The following CMIP variants were observed in gnomAD, a reference collection of about 807,000 sequenced individuals.
The protein encoded by CMIP is C-Maf-inducing protein.
Under a neutral mutation model 97.3 loss-of-function variants are expected in CMIP, and 13 were observed. The observed-to-expected ratio is 0.13, with a 90% CI of 0.09 to 0.21. CMIP has a LOEUF of 0.21. Ranked by LOEUF, CMIP falls within the 10% of genes least tolerant of loss-of-function variation. CMIP has a pLI of 1.00. For synonymous variants in CMIP, 538 were observed against 436.3 expected (o/e 1.23, Z -2.91); for missense variants, 847 against 1,024.9 (o/e 0.83, Z 2.37).
intron 1 of CMIP, among the ~76,000 whole-genome samples, chr16:81,580,054 T>C (rs1308597610): frequency 6.6e-6 from 1 of 152,248 alleles, no homozygotes; most frequent in East Asian, 1.9e-4. Context: ...AGAACGGATA[T>C]TTCCAGTAGA....
At chr16:81,605,010 C>T (rs769002285) in intron 1 of CMIP, among the ~76,000 whole-genome samples, 2 of 152,146 alleles carry the variant, frequency 1.3e-5, no homozygotes, top group African/African-American at 2.4e-5. Flanking sequence ...AGTATATAAA[C>T]AGTAGCAGGG....
chr16:81,521,399 C>G (rs548423132), intron 1 of CMIP, among the ~76,000 whole-genome samples: 8 of 151,834 alleles, frequency 5.3e-5, no homozygotes, highest in African/African-American at 1.2e-4. Context: ...ATAGCAAACA[C>G]GAGCTGCCCC....
chr16:81,651,650 A>G (rs986084345), intron 3 of CMIP, among the ~76,000 whole-genome samples: 1 of 152,170 alleles, frequency 6.6e-6, no homozygotes, highest in African/African-American at 2.4e-5. Context: ...TTGTGGACTG[A>G]CCATTCCCAC....
intron 1 of CMIP, among the ~76,000 whole-genome samples, chr16:81,500,759 C>T (rs780512453): frequency 2.6e-5 from 4 of 151,924 alleles, no homozygotes; most frequent in African/African-American, 7.3e-5. Flanking sequence ...AAAGTGTTGG[C>T]ATTACAGGCA....
chr16:81,668,100 G>A (rs1300712168), intron 7 of CMIP, among the ~76,000 whole-genome samples: 2 of 152,080 alleles, frequency 1.3e-5, no homozygotes, highest in African/African-American at 4.8e-5. Context: ...TTAGACCTGA[G>A]GGGGGTCTCT....
chr16:81,555,325 A>C (rs2090739740), intron 1 of CMIP, among the ~76,000 whole-genome samples: 1 of 151,984 alleles, frequency 6.6e-6, no homozygotes, highest in South Asian at 2.1e-4. Context: ...GAAATCAAGA[A>C]CCCCCCCTAG....
At chr16:81,704,235 C>A in intron 18 of CMIP, 150 bp downstream of exon 18, 1 of 534,702 alleles carries the variant, frequency 1.9e-6, no homozygotes, top group Non-Finnish European at 3.3e-6. Context: ...CCTCCCTGCC[C>A]CCCTTACTCT....
intron 1 of CMIP, among the ~76,000 whole-genome samples, chr16:81,539,112 T>C (rs985670136): frequency 1.3e-5 from 2 of 152,178 alleles, no homozygotes; most frequent in Non-Finnish European, 2.9e-5. Flanking sequence ...CGCTTGAATG[T>C]CATATTAGCT....
chr16:81,701,866 C>A, intron 16 of CMIP, 66 bp downstream of exon 16: 1 of 1,591,174 alleles, frequency 6.3e-7, no homozygotes, highest in Non-Finnish European at 8.6e-7. Context: ...GGGCGGGATG[C>A]GGGGCAGCTA....
At chr16:81,477,035 G>T (rs1428947615) in intron 1 of CMIP, among the ~76,000 whole-genome samples, 1 of 152,048 alleles carries the variant, frequency 6.6e-6, no homozygotes, top group Non-Finnish European at 1.5e-5. Context: ...TTTATCTCGT[G>T]GGGCTAATTC....
intron 6 of CMIP, among the ~76,000 whole-genome samples, chr16:81,663,923 C>A (rs1443393546): frequency 6.6e-6 from 1 of 152,136 alleles, no homozygotes; most frequent in Non-Finnish European, 1.5e-5. Context: ...TTTTCCAGTG[C>A]CCCACATGCC....
chr16:81,580,224 G>T (rs934124694), intron 1 of CMIP, among the ~76,000 whole-genome samples: 1 of 152,176 alleles, frequency 6.6e-6, no homozygotes, highest in Non-Finnish European at 1.5e-5. Context: ...GGGCAGGGCC[G>T]TGATCAGACC....
At chr16:81,522,493 A>AC (rs1309057329) in intron 1 of CMIP, among the ~76,000 whole-genome samples, 1 of 152,260 alleles carries the variant, frequency 6.6e-6, no homozygotes, top group African/African-American at 2.4e-5. Context: ...TTTAGTGAGC[A>AC]CTGCATACTG....
intron 1 of CMIP, among the ~76,000 whole-genome samples, chr16:81,561,403 G>C (rs149487641): frequency 1.3e-5 from 2 of 152,224 alleles, no homozygotes; most frequent in African/African-American, 2.4e-5. Context: ...ACCCAGCTAT[G>C]CAGACACTTA....
At position 81,693,130 on chromosome 16, in the gene CMIP, G is replaced by A. The variant is rs747097780; in HGVS notation, c.1455-28G>A. The A allele has an allele frequency of 1.1e-5, 18 of 1,604,272 alleles. 1 individual carries two copies. The highest frequency in any genetic ancestry group is 5.4e-5 in the African/African-American group (4 of 74,742). On this transcript the variant is annotated intron_variant, in intron 11 of 20. Transcript: ENST00000537098. ...GCTGTTTCCGACGCTTCTGTTAACC[G>A]CCGTGTTTTCCCCTGTTTTTGTTGC...
Position 81,678,599 on chromosome 16 carries a change from C to T in CMIP, c.1359C>T (p.Leu453=), listed in dbSNP as rs754548495. The part of the protein sequence containing the change: ...IELGPQADRT[L]GCYVEILKLL... ...TGGGCCCCCAGGCCGACCGCACGCT[C>T]GGCTGCTACGTGGAAATCCTCAAGC... The change falls in exon 10 of 21, where the codon CTC becomes CTT. Residue 453 remains leucine, a synonymous_variant. Transcript: ENST00000537098. 2.0e-5 allele frequency: 32 copies of T among 1,592,438 alleles called. No homozygotes were observed. Among genetic ancestry groups the T allele is most frequent in the African/African-American group, 1.1e-4 (8 of 74,618 alleles).
intron 2 of CMIP, among the ~76,000 whole-genome samples, 200 bp downstream of exon 2, chr16:81,607,892 T>C (rs1458697989): frequency 6.6e-6 from 1 of 152,198 alleles, no homozygotes; most frequent in East Asian, 1.9e-4. Context: ...GGCCTGAGCG[T>C]CTCCTGCACA....
At position 81,535,024 on chromosome 16, in the gene CMIP, C is replaced by G. The variant is rs146244138; in HGVS notation, c.301-72543C>G. Among the ~76,000 whole-genome samples, 414 of 152,242 alleles carry G rather than the reference C, an allele frequency of 2.7e-3. 1 individual carries two copies. Among genetic ancestry groups the G allele is most frequent in the African/African-American group, 9.6e-3 (400 of 41,540 alleles). On this transcript the variant is annotated intron_variant, in intron 1 of 20. Coordinates refer to ENST00000537098, the MANE Select transcript of CMIP (RefSeq NM_198390.3). ...GGAGTGCAGAGGCGTGATCTCGGCTCACTCTAAGCTCTGCCTCCCGGGTTC... is the reference window on the plus strand; with the variant it reads ...GGAGTGCAGAGGCGTGATCTCGGCTGACTCTAAGCTCTGCCTCCCGGGTTC...
At chr16:81,610,392 G>C in intron 2 of CMIP, 1 of 985,742 alleles carries the variant, frequency 1.0e-6, no homozygotes, top group South Asian at 4.7e-5. Flanking sequence ...CGTGGACAGC[G>C]CAGTCAGAGG....
Sources: allele counts gnomAD v4.1 joint callset (sites outside exome capture counted in the v4.1 genomes callset), GRCh38; gene constraint gnomAD v4.1.1; transcripts MANE v1.5; gene names NCBI Gene and HGNC (gene_info 2026-07-23, HGNC 2026-07-21).